Variants in PTAR1 observed in about 807,000 individuals in gnomAD.
PTAR1 encodes the protein protein prenyltransferase alpha subunit repeat containing 1.
Under a neutral mutation model 45.5 loss-of-function variants are expected in PTAR1, and 17 were observed. That is an observed-to-expected ratio of 0.37 (90% CI 0.26 to 0.56). The LOEUF is 0.56. Among genes scored for constraint, PTAR1 ranks in the 20% least tolerant of loss-of-function variants. The probability of loss-of-function intolerance (pLI) is 0.77; values close to 1 mark genes in which losing one functional copy is unlikely to be tolerated. For synonymous variants in PTAR1, 169 were observed against 171.3 expected (o/e 0.99, Z 0.11); for missense variants, 391 against 476.3 (o/e 0.82, Z 1.67).
intron 5 of PTAR1, among the ~76,000 whole-genome samples, chr9:69,728,234 T>C (rs1218282082): frequency 6.6e-6 from 1 of 152,186 alleles, no homozygotes; most frequent in Non-Finnish European, 1.5e-5. Flanking sequence ...ATATGGCTAT[T>C]AATGTTCTCA....
chr9:69,730,643 G>C (rs1310856921), intron 5 of PTAR1, among the ~76,000 whole-genome samples: 1 of 148,596 alleles, frequency 6.7e-6, no homozygotes, highest in African/African-American at 2.5e-5. Flanking sequence ...GATGAAGAAC[G>C]ATTTTTCTGT....
intron 3 of PTAR1, among the ~76,000 whole-genome samples, chr9:69,737,583 G>A (rs1436113330): frequency 6.6e-6 from 1 of 152,108 alleles, no homozygotes; most frequent in African/African-American, 2.4e-5. Context: ...ATGTCAATGA[G>A]GCATGTAAGG....
At chr9:69,727,866 A>G (rs576812148) in intron 5 of PTAR1, among the ~76,000 whole-genome samples, 1 of 152,276 alleles carries the variant, frequency 6.6e-6, no homozygotes, top group African/African-American at 2.4e-5. Flanking sequence ...AAAATAAATC[A>G]GTGGTTTTTA....
In PTAR1 at chr9:69,714,570, T is replaced by C. The variant is rs1824654486; in HGVS notation, c.*3772A>G. The stretch of plus-strand genomic sequence containing the variant: ...AGAATAAACTGGCATGACCTGAACA[T>C]ACCTAAGTGGCATACGATCTACTAT... On this transcript the variant is annotated 3_prime_UTR_variant, in exon 8 of 8. Coordinates refer to ENST00000340434, the MANE Select transcript of PTAR1 (RefSeq NM_001099666.2). 6.6e-6 allele frequency: 1 copy of C among 152,104 alleles called. No homozygotes were observed. Among genetic ancestry groups the C allele is most frequent in the African/African-American group, 2.4e-5 (1 of 41,440 alleles). The allele number at this position is 152,104 out of a possible 1,614,324, so 9.4% of individuals were successfully genotyped here. A position where few individuals can be genotyped will look rare whatever the true frequency, so the allele number is the denominator to read the frequency against.
intron 1 of PTAR1, among the ~76,000 whole-genome samples, chr9:69,754,743 T>A (rs1244161481): frequency 1.3e-5 from 2 of 149,436 alleles, no homozygotes; most frequent in Admixed American, 1.3e-4. Flanking sequence ...TTGGTAGAGA[T>A]GTAGTCCCAC....
intron 6 of PTAR1, among the ~76,000 whole-genome samples, chr9:69,722,872 G>A (rs1475958174): frequency 1.3e-5 from 2 of 148,970 alleles, no homozygotes; most frequent in Non-Finnish European, 3.0e-5. Context: ...CTTGGAGGCC[G>A]AGATTGCAGT....
intron 2 of PTAR1, among the ~76,000 whole-genome samples, chr9:69,742,227 C>A (rs762368620): frequency 6.6e-6 from 1 of 152,164 alleles, no homozygotes; most frequent in South Asian, 2.1e-4. Flanking sequence ...CAAGTATTGA[C>A]GGTGTGTGCG....
At chr9:69,757,183 C>G (rs913023419) in intron 1 of PTAR1, 2 of 152,160 alleles carry the variant, frequency 1.3e-5, no homozygotes. Flanking sequence ...TTAATTTTAA[C>G]GTGACTGTTT....
rs1588433897 is a variant in PTAR1 at position 69,712,435 on chromosome 9, T to C, written c.*5907A>G. ...AATAAAAATCCTTTGTAAATTTCAC[T>C]TGCAATGTTGTGCAACTGTATATCT... On this transcript the variant is annotated 3_prime_UTR_variant, in exon 8 of 8. Transcript: ENST00000340434. The C allele has an allele frequency of 6.6e-6, 1 of 152,194 alleles. No homozygotes were observed. Among genetic ancestry groups the C allele is most frequent in the South Asian group, 2.1e-4 (1 of 4,832 alleles). The allele number at this position is 152,194 out of a possible 1,614,324, so 9.4% of individuals were successfully genotyped here.
At position 69,759,669 on chromosome 9, in the gene PTAR1, G is replaced by A. The variant is rs927778502; in HGVS notation, c.86+184C>T. Reference sequence around the variant, plus strand: ...GGGACTCGACCGCGAGCGCGTCCCGGTAGCGGAAAGCCGGGCCAGCGGCGG... The same window carrying A: ...GGGACTCGACCGCGAGCGCGTCCCGATAGCGGAAAGCCGGGCCAGCGGCGG... On this transcript the variant is annotated intron_variant, in intron 1 of 7. Transcript: ENST00000340434. 4.9e-4 allele frequency among the ~76,000 whole-genome samples: 74 copies of A among 152,288 alleles called. 1 individual carries two copies. The highest frequency in any genetic ancestry group is 1.7e-3 in the African/African-American group (72 of 41,580).
rs1824599683 is a variant in PTAR1, at chr9:69,713,383, T to C, written c.*4959A>G. 1 of 152,158 alleles carries C rather than the reference T, an allele frequency of 6.6e-6. No homozygotes were observed. Among genetic ancestry groups the C allele is most frequent in the Admixed American group, 6.6e-5 (1 of 15,254 alleles). The allele number at this position is 152,158 out of a possible 1,614,324, so 9.4% of individuals were successfully genotyped here. A position where few individuals can be genotyped will look rare whatever the true frequency, so the allele number is the denominator to read the frequency against. On this transcript the variant is annotated 3_prime_UTR_variant, in exon 8 of 8. Coordinates refer to ENST00000340434, the MANE Select transcript of PTAR1 (RefSeq NM_001099666.2). ...GAATATATTATTCAACAGTTCTCTGTAAAAGCACTTTGGAATCTTTAGCTA... is the reference window on the plus strand; with the variant it reads ...GAATATATTATTCAACAGTTCTCTGCAAAAGCACTTTGGAATCTTTAGCTA...
intron 1 of PTAR1, among the ~76,000 whole-genome samples, chr9:69,752,577 A>C (rs1339341054): frequency 1.3e-5 from 2 of 152,088 alleles, no homozygotes; most frequent in East Asian, 3.8e-4. Context: ...TACTATCATA[A>C]GTTTTCTGAT....
At position 69,718,210 on chromosome 9, in the gene PTAR1, A is replaced by G. The variant is rs758391524; in HGVS notation, c.*132T>C. 6.7e-5 allele frequency: 39 copies of G among 577,828 alleles called. No individual in the cohort carries two copies. Among genetic ancestry groups the G allele is most frequent in the Middle Eastern group, 4.4e-4 (1 of 2,254 alleles). 35.8% of individuals were successfully genotyped at this position (577,828 alleles called of 1,614,324 possible). On this transcript the variant is annotated 3_prime_UTR_variant, in exon 8 of 8. Coordinates refer to ENST00000340434, the MANE Select transcript of PTAR1 (RefSeq NM_001099666.2). ...AAATAAATAAAATGAAAGATTTACT[A>G]TGGACTTTCAACCTAAAGACGAAGA...
intron 1 of PTAR1, among the ~76,000 whole-genome samples, chr9:69,759,571 TC>T (rs1247667947): frequency 1.3e-5 from 2 of 152,260 alleles, no homozygotes; most frequent in African/African-American, 4.8e-5. Flanking sequence ...CTCTGGAGTT[TC>T]GTGAACTCCT....
At chr9:69,734,521 C>T (rs769544264) in intron 3 of PTAR1, among the ~76,000 whole-genome samples, 11 of 152,060 alleles carry the variant, frequency 7.2e-5, no homozygotes, top group Non-Finnish European at 5.9e-5. Context: ...CAGATTTTAA[C>T]GATTTTTAAA....
chr9:69,746,194 C>A (rs2134151083), intron 2 of PTAR1, among the ~76,000 whole-genome samples: 2 of 152,174 alleles, frequency 1.3e-5, no homozygotes, highest in Admixed American at 1.3e-4. Flanking sequence ...TGAGAAAGGA[C>A]TAGGAGAAGA....
In PTAR1 at chr9:69,716,639, T is replaced by A. The variant is rs1321417533; in HGVS notation, c.*1703A>T. On this transcript the variant is annotated 3_prime_UTR_variant, in exon 8 of 8. Transcript: ENST00000340434. Reference sequence around the variant, plus strand: ...GAGGTTTACTTTCCCTACATCTTTATCCCCACTTTACAAATTACCTAGCAA... The same window carrying A: ...GAGGTTTACTTTCCCTACATCTTTAACCCCACTTTACAAATTACCTAGCAA... 6.6e-6 allele frequency: 1 copy of A among 152,140 alleles called. No homozygotes were observed. The highest frequency in any genetic ancestry group is 1.9e-4 in the East Asian group (1 of 5,198). 9.4% of individuals were successfully genotyped at this position (152,140 alleles called of 1,614,324 possible).
At position 69,717,595 on chromosome 9, in the gene PTAR1, G is replaced by T. The variant is rs1025545433; in HGVS notation, c.*747C>A. ...TTGGGTAGAACATGCTAGAGAAAGA[G>T]AACTAGTTTACATTTTTAAACATTC... On this transcript the variant is annotated 3_prime_UTR_variant, in exon 8 of 8. Coordinates refer to ENST00000340434, the MANE Select transcript of PTAR1 (RefSeq NM_001099666.2). 3 of 152,138 alleles carry T rather than the reference G, an allele frequency of 2.0e-5. No homozygotes were observed. Among genetic ancestry groups the T allele is most frequent in the Non-Finnish European group, 2.9e-5 (2 of 68,028 alleles). 9.4% of individuals were successfully genotyped at this position (152,138 alleles called of 1,614,324 possible).
chr9:69,721,460 A>G (rs1045634378), intron 6 of PTAR1, among the ~76,000 whole-genome samples: 2 of 152,238 alleles, frequency 1.3e-5, no homozygotes, highest in African/African-American at 4.8e-5. Flanking sequence ...TGCTGTGAAC[A>G]TTGTTGAAAT....
Sources: allele counts gnomAD v4.1 joint callset (sites outside exome capture counted in the v4.1 genomes callset), GRCh38; gene constraint gnomAD v4.1.1; transcripts MANE v1.5; gene names NCBI Gene and HGNC (gene_info 2026-07-23, HGNC 2026-07-21).